Variants in TANC2 observed in about 807,000 individuals in gnomAD.
TANC2 encodes tetratricopeptide repeat, ankyrin repeat and coiled-coil containing 2, also known as protein TANC2.
Under a neutral mutation model 210.5 loss-of-function variants are expected in TANC2, and 26 were observed. The observed-to-expected ratio is 0.12, with a 90% CI of 0.09 to 0.17. The LOEUF is 0.17. Among genes scored for constraint, TANC2 ranks in the 10% least tolerant of loss-of-function variants. TANC2 has a pLI of 1.00. For synonymous variants in TANC2, 931 were observed against 967.1 expected (o/e 0.96, Z 0.69); for missense variants, 2,129 against 2,608.9 (o/e 0.82, Z 4.01).
At chr17:63,331,092 A>G (rs1265736815) in intron 11 of TANC2, among the ~76,000 whole-genome samples, 1 of 152,206 alleles carries the variant, frequency 6.6e-6, no homozygotes, top group Non-Finnish European at 1.5e-5. Flanking sequence ...ATAATAATGT[A>G]TCTGGGGTGT....
chr17:63,059,595 G>A (rs966893020), intron 2 of TANC2, among the ~76,000 whole-genome samples: 1 of 151,198 alleles, frequency 6.6e-6, no homozygotes, highest in Non-Finnish European at 1.5e-5. Context: ...TATAGGTAAG[G>A]CAGCATCAAA....
intron 1 of TANC2, among the ~76,000 whole-genome samples, chr17:62,987,100 A>T (rs1284318714): frequency 6.6e-6 from 1 of 152,154 alleles, no homozygotes; most frequent in African/African-American, 2.4e-5. Flanking sequence ...GGGGGAGTAC[A>T]TGCAACAGTT....
chr17:63,294,551 TTA>T (rs2044476925), intron 9 of TANC2, among the ~76,000 whole-genome samples: 1 of 152,262 alleles, frequency 6.6e-6, no homozygotes, highest in South Asian at 2.1e-4. Flanking sequence ...CTTTTCCTTT[TTA>T]TGTTTTTCCC....
At chr17:63,140,176 A>G (rs999628952) in intron 4 of TANC2, among the ~76,000 whole-genome samples, 4 of 152,148 alleles carry the variant, frequency 2.6e-5, no homozygotes, top group African/African-American at 9.7e-5. Context: ...CTGAAGCTCA[A>G]CTCTCTCTGT....
At chr17:63,330,497 C>T (rs1048483983) in intron 11 of TANC2, among the ~76,000 whole-genome samples, 12 of 151,862 alleles carry the variant, frequency 7.9e-5, no homozygotes, top group African/African-American at 2.9e-4. Context: ...ACAATGGTTT[C>T]GTGGGTTCCA....
intron 5 of TANC2, among the ~76,000 whole-genome samples, chr17:63,164,343 C>A (rs1190573535): frequency 6.6e-6 from 1 of 151,948 alleles, no homozygotes; most frequent in East Asian, 1.9e-4. Context: ...TTTTTCTAAA[C>A]CCAGACCTCA....
intron 9 of TANC2, among the ~76,000 whole-genome samples, chr17:63,300,630 G>C (rs1362882334): frequency 1.3e-5 from 2 of 152,124 alleles, no homozygotes; most frequent in African/African-American, 4.8e-5. Context: ...CATTGATTTT[G>C]TATCCTGAGA....
At chr17:63,415,117 G>A (rs2048818886) in intron 25 of TANC2, among the ~76,000 whole-genome samples, 1 of 152,212 alleles carries the variant, frequency 6.6e-6, no homozygotes, top group African/African-American at 2.4e-5. Context: ...CAAAAAAACA[G>A]TTCTCCAGAC....
intron 7 of TANC2, among the ~76,000 whole-genome samples, chr17:63,214,869 G>T (rs2041982355): frequency 6.6e-6 from 1 of 152,100 alleles, no homozygotes; most frequent in African/African-American, 2.4e-5. Flanking sequence ...TCTCACCCTG[G>T]GAAGATGATG....
intron 15 of TANC2, among the ~76,000 whole-genome samples, chr17:63,386,553 A>G (rs1029993133): frequency 1.3e-4 from 20 of 152,230 alleles, no homozygotes; most frequent in Non-Finnish European, 2.4e-4. Context: ...GAGCTTTACT[A>G]TACTATTCCT....
At chr17:63,227,375 C>T (rs1013547387) in intron 7 of TANC2, among the ~76,000 whole-genome samples, 1 of 151,942 alleles carries the variant, frequency 6.6e-6, no homozygotes, top group Non-Finnish European at 1.5e-5. Context: ...TTTTTTCATA[C>T]GTTGGCTGCA....
At chr17:63,086,543 A>G (rs542451508) in intron 3 of TANC2, among the ~76,000 whole-genome samples, 1 of 152,252 alleles carries the variant, frequency 6.6e-6, no homozygotes, top group East Asian at 1.9e-4. Context: ...TTATTCTTTC[A>G]TAGAAGTTCC....
chr17:63,369,883 G>A (rs1312181599), intron 14 of TANC2, among the ~76,000 whole-genome samples: 2 of 152,012 alleles, frequency 1.3e-5, no homozygotes, highest in Admixed American at 1.3e-4. Context: ...GATTACAGGT[G>A]TGAGCCACCT....
intron 11 of TANC2, among the ~76,000 whole-genome samples, chr17:63,338,740 C>G (rs2046121340): frequency 6.6e-6 from 1 of 152,194 alleles, no homozygotes; most frequent in African/African-American, 2.4e-5. Context: ...ATATTGTGCT[C>G]AGACTTCATT....
At chr17:63,249,931 A>G (rs889532889) in intron 8 of TANC2, among the ~76,000 whole-genome samples, 6 of 152,196 alleles carry the variant, frequency 3.9e-5, no homozygotes, top group African/African-American at 1.4e-4. Context: ...CAAACTCAGT[A>G]TAGAGTTATC....
intron 6 of TANC2, among the ~76,000 whole-genome samples, chr17:63,200,255 T>A (rs2041481925): frequency 6.7e-6 from 1 of 150,208 alleles, no homozygotes; most frequent in Non-Finnish European, 1.5e-5. Context: ...TTTGGGAGGC[T>A]GAGGCAGGAG....
At chr17:63,354,493 G>A (rs1036398672) in intron 13 of TANC2, among the ~76,000 whole-genome samples, 5 of 152,042 alleles carry the variant, frequency 3.3e-5, no homozygotes, top group African/African-American at 1.2e-4. Context: ...ACAGTGCTCC[G>A]TTTTCTATTT....
chr17:63,320,058 G>C (rs2045446735), intron 11 of TANC2, among the ~76,000 whole-genome samples: 1 of 151,984 alleles, frequency 6.6e-6, no homozygotes, highest in Non-Finnish European at 1.5e-5. Flanking sequence ...TACAATTATT[G>C]CATGATTTTT....
At chr17:63,314,240 A>G in intron 9 of TANC2, 148 bp from the exon 10 acceptor site, 1 of 807,922 alleles carries the variant, frequency 1.2e-6, no homozygotes, top group Non-Finnish European at 1.9e-6. Context: ...GTATAGAATC[A>G]ACATTCGCAG....
Sources: gnomAD v4.1 joint callset for allele counts (sites outside exome capture counted in the v4.1 genomes callset) on GRCh38, gnomAD v4.1.1 for gene constraint, MANE v1.5 for transcripts, NCBI Gene and HGNC (gene_info 2026-07-23, HGNC 2026-07-21) for gene names.